The following GSK3B variants were observed in gnomAD, a reference collection of about 807,000 sequenced individuals.
GSK3B encodes glycogen synthase kinase-3 beta.
In GSK3B, 15 loss-of-function variants were observed where a neutral mutation model predicts 56.4. The observed-to-expected ratio is 0.27, with a 90% CI of 0.18 to 0.41. The LOEUF (loss-of-function observed/expected upper bound fraction) is 0.41, where lower values mean the gene tolerates loss of function less well. Ranked by LOEUF, GSK3B falls within the 10% of genes least tolerant of loss-of-function variation. The pLI is 1.00. For synonymous variants in GSK3B, 181 were observed against 188.9 expected (o/e 0.96, Z 0.34); for missense variants, 300 against 513.4 (o/e 0.58, Z 4.02).
intron 1 of GSK3B, chr3:120,029,342 A>G: frequency 1.3e-6 from 1 of 747,148 alleles, no homozygotes. Context: ...ATCCAGCCTC[A>G]AAAGCCCTTT....
At chr3:119,946,789 C>T (rs556210660) in intron 3 of GSK3B, among the ~76,000 whole-genome samples, 1 of 152,272 alleles carries the variant, frequency 6.6e-6, no homozygotes, top group African/African-American at 2.4e-5. Context: ...TGCAATATTA[C>T]ATCTTTTCCA....
At chr3:119,927,998 C>T (rs561083832) in intron 3 of GSK3B, among the ~76,000 whole-genome samples, 1 of 152,270 alleles carries the variant, frequency 6.6e-6, no homozygotes, top group South Asian at 2.1e-4. Context: ...TCGATCTATA[C>T]CCAATATCTT....
chr3:120,036,043 T>C lies in GSK3B; in HGVS notation c.89-33804A>G, dbSNP rs549009315. Among the ~76,000 whole-genome samples the C allele has an allele frequency of 7.9e-5, 12 of 152,352 alleles. No individual in the cohort carries two copies. In the South Asian group the frequency reaches 2.1e-3, roughly 26 times the overall value. On this transcript the variant is annotated intron_variant, in intron 1 of 10. Transcript: ENST00000264235. ...GTGGCAGCAGAGGACACCCTTATGT[T>C]GCTCCTAATATTAGGCAGAAAGCAT...
At chr3:120,048,908 G>A (rs2058125145) in intron 1 of GSK3B, among the ~76,000 whole-genome samples, 2 of 152,120 alleles carry the variant, frequency 1.3e-5, no homozygotes, top group Admixed American at 1.3e-4. Context: ...CAGATCATAT[G>A]ATGCCTAACC....
chr3:119,980,657 T>C (rs934449656), intron 2 of GSK3B, among the ~76,000 whole-genome samples: 11 of 152,178 alleles, frequency 7.2e-5, no homozygotes, highest in Non-Finnish European at 1.6e-4. Context: ...CCCAGCCTTG[T>C]GTAATTTTTT....
At chr3:119,981,592 C>T (rs1488854443) in intron 2 of GSK3B, among the ~76,000 whole-genome samples, 1 of 152,272 alleles carries the variant, frequency 6.6e-6, no homozygotes, top group African/African-American at 2.4e-5. Flanking sequence ...TTGCTCACTG[C>T]TAGCGCAGTA....
intron 7 of GSK3B, among the ~76,000 whole-genome samples, chr3:119,878,100 TCTC>T (rs1559819470): frequency 6.6e-6 from 1 of 152,158 alleles, no homozygotes; most frequent in Non-Finnish European, 1.5e-5. Context: ...TGGTTCTAAT[TCTC>T]TAGACACTGC....
intron 1 of GSK3B, among the ~76,000 whole-genome samples, chr3:120,026,104 C>T (rs1175681753): frequency 2.0e-5 from 3 of 152,104 alleles, no homozygotes; most frequent in Non-Finnish European, 2.9e-5. Context: ...ATTCCTCCTA[C>T]CCCCAAATAT....
At chr3:120,019,083 T>A (rs2057850611) in intron 1 of GSK3B, among the ~76,000 whole-genome samples, 1 of 152,174 alleles carries the variant, frequency 6.6e-6, no homozygotes, top group East Asian at 1.9e-4. Context: ...ATCTCTCTCA[T>A]CACATAATAG....
At chr3:119,888,545 C>T (rs113153877) in intron 7 of GSK3B, among the ~76,000 whole-genome samples, 3,929 of 152,162 alleles carry the variant, frequency 0.026, 173 homozygotes, top group African/African-American at 0.088. Context: ...CTCAGGCCCA[C>T]TATTGTGTTA....
chr3:119,922,481 GC>G lies in GSK3B; in HGVS notation c.477+891del, dbSNP rs1341180575. ...ATACTATATATATATATGACTCCTTGCCAAAGTAATCTAGCTAACAAAAGTG... is the reference window on the plus strand; with the variant it reads ...ATACTATATATATATATGACTCCTTGCAAAGTAATCTAGCTAACAAAAGTG... On this transcript the variant is annotated intron_variant, in intron 4 of 10. Coordinates refer to ENST00000264235, the MANE Select transcript of GSK3B (RefSeq NM_001146156.2). Among the ~76,000 whole-genome samples the G allele has an allele frequency of 2.0e-5, 3 of 146,940 alleles. No homozygotes were observed. In the Admixed American group the frequency reaches 2.1e-4, roughly 10 times the overall value.
intron 9 of GSK3B, among the ~76,000 whole-genome samples, chr3:119,856,801 T>C (rs2056028611): frequency 6.6e-6 from 1 of 152,206 alleles, no homozygotes; most frequent in Non-Finnish European, 1.5e-5. Context: ...CTATCCTATG[T>C]AAATTTATCA....
chr3:120,067,236 C>CAAAAAAA, intron 1 of GSK3B, among the ~76,000 whole-genome samples: 1 of 122,858 alleles, frequency 8.1e-6, no homozygotes, highest in African/African-American at 2.8e-5. Context: ...ACTGTAACAT[C>CAAAAAAA]AAAAAAAAAA....
At chr3:119,880,064 T>C (rs1366482531) in intron 7 of GSK3B, among the ~76,000 whole-genome samples, 1 of 152,080 alleles carries the variant, frequency 6.6e-6, no homozygotes, top group Non-Finnish European at 1.5e-5. Flanking sequence ...ATGGAAGCAG[T>C]ACTAACTTAC....
intron 10 of GSK3B, among the ~76,000 whole-genome samples, chr3:119,835,032 C>T (rs1203105379): frequency 1.4e-4 from 21 of 152,054 alleles, no homozygotes; most frequent in Admixed American, 1.4e-3. Flanking sequence ...TGGTATAGTT[C>T]AAAATGGAAG....
intron 1 of GSK3B, among the ~76,000 whole-genome samples, chr3:120,080,309 G>C (rs1168387843): frequency 1.3e-5 from 2 of 151,394 alleles, no homozygotes; most frequent in Non-Finnish European, 2.9e-5. Flanking sequence ...GTGGGAGGAG[G>C]GGGAGGGAAG....
At position 120,035,880 on chromosome 3, in the gene GSK3B, T is replaced by C. The variant is rs149487118; in HGVS notation, c.89-33641A>G. On this transcript the variant is annotated intron_variant, in intron 1 of 10. Coordinates refer to ENST00000264235, the MANE Select transcript of GSK3B (RefSeq NM_001146156.2). The stretch of plus-strand genomic sequence containing the variant: ...TCATTTATTAACTCTAATAGATTTT[T>C]AGCAAATTTCTTAGGATGTTTCTAT... 1.1e-3 allele frequency among the ~76,000 whole-genome samples: 166 copies of C among 152,336 alleles called. 3 individuals are homozygous for C. The highest frequency in any genetic ancestry group is 9.3e-3 in the Admixed American group (142 of 15,304).
At chr3:119,986,336 G>A (rs1174186493) in intron 2 of GSK3B, among the ~76,000 whole-genome samples, 2 of 152,006 alleles carry the variant, frequency 1.3e-5, no homozygotes, top group Non-Finnish European at 2.9e-5. Context: ...TAGACAAATG[G>A]GATCAATTAA....
In GSK3B at chr3:119,985,790, C is replaced by T. The variant is rs190856787; in HGVS notation, c.282+16256G>A. 1.1e-4 allele frequency among the ~76,000 whole-genome samples: 16 copies of T among 152,298 alleles called. No homozygotes were observed. The East Asian group carries it at 3.1e-3, about 29-fold the overall frequency. ...TAATTTATAGATTCAATGTCATCCC[C>T]ATGAAGCTACCAATGACTTTCTTCA... On this transcript the variant is annotated intron_variant, in intron 2 of 10. Transcript: ENST00000264235.
Sources: gnomAD v4.1 joint callset for allele counts (sites outside exome capture counted in the v4.1 genomes callset) on GRCh38, gnomAD v4.1.1 for gene constraint, MANE v1.5 for transcripts, NCBI Gene and HGNC (gene_info 2026-07-23, HGNC 2026-07-21) for gene names.